SASH1: variants seen among roughly 807,000 people sequenced by gnomAD.
SASH1 encodes the protein SAM and SH3 domain-containing protein 1.
SASH1 carries 44 observed loss-of-function variants against 125.2 expected under a neutral mutation model. The ratio of observed to expected loss-of-function variants is 0.35; its 90% CI spans 0.28 to 0.45. The LOEUF is 0.45. Among genes scored for constraint, SASH1 ranks in the 20% least tolerant of loss-of-function variants. SASH1 has a pLI of 1.00. For synonymous variants in SASH1, 639 were observed against 649.1 expected, an observed-to-expected ratio of 0.98 and a Z score of 0.24; for missense variants, 1,426 against 1,614.5, an observed-to-expected ratio of 0.88 and a Z score of 2.00.
intron 1 of SASH1, among the ~76,000 whole-genome samples, chr6:148,357,209 A>C (rs1245190666): frequency 1.3e-5 from 2 of 152,178 alleles, no homozygotes; most frequent in African/African-American, 4.8e-5. Context: ...GAGCTACTAG[A>C]AACTTCCTGT....
intron 1 of SASH1, among the ~76,000 whole-genome samples, chr6:148,361,920 T>C (rs897625737): frequency 5.0e-4 from 63 of 127,226 alleles, no homozygotes; most frequent in Non-Finnish European, 8.9e-4. Flanking sequence ...TTTTCTTTTT[T>C]TTTTTTTTTT....
At chr6:148,436,579 C>G (rs1776299062) in intron 2 of SASH1, among the ~76,000 whole-genome samples, 1 of 152,192 alleles carries the variant, frequency 6.6e-6, no homozygotes, top group Non-Finnish European at 1.5e-5. Flanking sequence ...CTGCCTTTCT[C>G]CATATGCTTA....
chr6:148,348,751 C>G (rs1781598321), intron 1 of SASH1, among the ~76,000 whole-genome samples: 1 of 152,214 alleles, frequency 6.6e-6, no homozygotes, highest in Non-Finnish European at 1.5e-5. Flanking sequence ...TTTCACACAT[C>G]TTCTTCAGAC....
At chr6:148,434,722 A>G (rs1776222783) in intron 2 of SASH1, among the ~76,000 whole-genome samples, 4 of 152,182 alleles carry the variant, frequency 2.6e-5, no homozygotes, top group Admixed American at 2.6e-4. Context: ...AAAATTCACA[A>G]TTCACTTTCT....
upstream of SASH1, among the ~76,000 whole-genome samples, chr6:148,338,953 C>T (rs1332664711): frequency 1.4e-5 from 2 of 139,206 alleles, no homozygotes; most frequent in African/African-American, 5.4e-5. Flanking sequence ...TGCAGTGAGC[C>T]GAAATCGGGC....
intron 15 of SASH1, 105 bp downstream of exon 15, chr6:148,534,085 T>C: frequency 1.1e-6 from 1 of 916,042 alleles, no homozygotes; most frequent in East Asian, 2.6e-5. Context: ...GGCTGATCTG[T>C]GTGGTCCAAT....
At chr6:148,446,103 T>TCTTTTTTTTCTTTTTTTTC (rs1776762276) in intron 4 of SASH1, among the ~76,000 whole-genome samples, 2 of 20,688 alleles carry the variant, frequency 9.7e-5, no homozygotes, top group Non-Finnish European at 2.0e-4. Context: ...TTTTTTTTTT[T>TCTTTTTTTTCTTTTTTTTC]TTTTTTTTTT....
At chr6:148,538,182 A>AGGTAT (rs972827587) in intron 16 of SASH1, among the ~76,000 whole-genome samples, 6 of 152,122 alleles carry the variant, frequency 3.9e-5, no homozygotes, top group Non-Finnish European at 7.3e-5. Context: ...AAATAATTTC[A>AGGTAT]GGTATTCTGC....
At chr6:148,299,989 G>A (rs1779896420) in intron 1 of SASH1, among the ~76,000 whole-genome samples, 2 of 152,166 alleles carry the variant, frequency 1.3e-5, no homozygotes, top group Admixed American at 6.6e-5. Flanking sequence ...TTCCACTGAT[G>A]CATGGGTATC....
chr6:148,480,632 G>A, intron 7 of SASH1: 1 of 152,978 alleles, frequency 6.5e-6, no homozygotes, highest in East Asian at 1.9e-4. Flanking sequence ...GATCAAGACA[G>A]TTTGGTCCAC....
At chr6:148,424,332 T>G (rs1474443736) in intron 2 of SASH1, among the ~76,000 whole-genome samples, 1 of 151,734 alleles carries the variant, frequency 6.6e-6, no homozygotes, top group Non-Finnish European at 1.5e-5. Flanking sequence ...TTCAAGTGAT[T>G]CTCCTGCCTC....
At chr6:148,303,770 C>A (rs1163112650) in intron 1 of SASH1, among the ~76,000 whole-genome samples, 1 of 150,260 alleles carries the variant, frequency 6.7e-6, no homozygotes, top group Non-Finnish European at 1.5e-5. Context: ...ACTCCAGCGA[C>A]TCTGTCTCAA....
chr6:148,290,475 A>G (rs892686919), intron 1 of SASH1, among the ~76,000 whole-genome samples: 4 of 151,974 alleles, frequency 2.6e-5, no homozygotes, highest in South Asian at 2.1e-4. Flanking sequence ...GCGTGGTGGC[A>G]GGCGGCTGTA....
At chr6:148,440,124 G>C in intron 2 of SASH1, 60 bp from the exon 3 acceptor site, 6 of 1,508,950 alleles carry the variant, frequency 4.0e-6, no homozygotes, top group Non-Finnish European at 5.5e-6. Flanking sequence ...ATGTCTATTT[G>C]TCTTTCTCGC....
At chr6:148,308,272 C>CCT (rs1554232489) in intron 1 of SASH1, among the ~76,000 whole-genome samples, 1 of 139,776 alleles carries the variant, frequency 7.2e-6, no homozygotes, top group South Asian at 2.5e-4. Context: ...GATATTAAAT[C>CCT]CGCCCCCCCC....
In SASH1 at chr6:148,455,823, G is replaced by A. The variant is rs373527606; in HGVS notation, c.387-12722G>A. 1.3e-3 allele frequency among the ~76,000 whole-genome samples: 194 copies of A among 152,314 alleles called. 1 individual carries two copies. Among genetic ancestry groups the A allele is most frequent in the African/African-American group, 4.4e-3 (184 of 41,580 alleles). ...GTTGGGAGAAGTAGGGCAGGTGGGCGGCTCCCACAGCCATGGTCTGGAGGG... is the reference window on the plus strand; with the variant it reads ...GTTGGGAGAAGTAGGGCAGGTGGGCAGCTCCCACAGCCATGGTCTGGAGGG... On this transcript the variant is annotated intron_variant, in intron 4 of 19. Transcript: ENST00000367467.
intron 1 of SASH1, among the ~76,000 whole-genome samples, chr6:148,285,188 G>A (rs1381453345): frequency 6.6e-6 from 1 of 152,152 alleles, no homozygotes; most frequent in African/African-American, 2.4e-5. Flanking sequence ...GAATAAGAGA[G>A]AACAAGAAAA....
chr6:148,399,552 T>C (rs1314800244), intron 2 of SASH1, among the ~76,000 whole-genome samples: 1 of 152,220 alleles, frequency 6.6e-6, no homozygotes, highest in Non-Finnish European at 1.5e-5. Context: ...AAATGGTTTT[T>C]GTTTGCTTGC....
At chr6:148,471,370 G>A in intron 5 of SASH1, 47 bp from the exon 6 acceptor site, 1 of 1,095,156 alleles carries the variant, frequency 9.1e-7, no homozygotes. Context: ...TGAATTTATT[G>A]CTTGTGCTTT....
Sources: allele counts gnomAD v4.1 joint callset (sites outside exome capture counted in the v4.1 genomes callset), GRCh38; gene constraint gnomAD v4.1.1; transcripts MANE v1.5; gene names NCBI Gene and HGNC (gene_info 2026-07-23, HGNC 2026-07-21).